SPR: variants seen among roughly 807,000 people sequenced by gnomAD.
The protein encoded by SPR is Sepiapterin reductase (L-erythro-7,8-dihydrobiopterin forming).
In SPR, 12 loss-of-function variants were observed where a neutral mutation model predicts 16.0. That is an observed-to-expected ratio of 0.75 (90% confidence interval 0.48 to 1.22). The LOEUF is 1.22. Ranked by LOEUF, SPR falls within the 50% of genes most tolerant of loss-of-function variation. The probability of loss-of-function intolerance (pLI) is 0.00; values close to 1 mark genes in which losing one functional copy is unlikely to be tolerated. For missense variants in SPR, 324 were observed against 344.4 expected (o/e 0.94, Z 0.47); for synonymous variants, 177 against 168.5 (o/e 1.05, Z -0.39).
chr2:72,888,741 T>A (rs975712369), intron 2 of SPR, 137 bp downstream of exon 2: 19 of 983,718 alleles, frequency 1.9e-5, no homozygotes, highest in Non-Finnish European at 2.6e-5. Context: ...CATCACCCCT[T>A]AGGGGAAATA....
Position 72,887,432 on chromosome 2 carries a change from C to T in SPR, c.-1C>T, listed in dbSNP as rs1470505727. ...CAGCGCCGCCGGCGGAGAACAGGAGCATGGAGGGCGGGCTGGGGCGTGCTG... is the reference window on the plus strand; with the variant it reads ...CAGCGCCGCCGGCGGAGAACAGGAGTATGGAGGGCGGGCTGGGGCGTGCTG... On this transcript the variant is annotated 5_prime_UTR_variant, in exon 1 of 3. Transcript: ENST00000234454. 3.4e-6 allele frequency: 5 copies of T among 1,492,472 alleles called. No homozygotes were observed. In the South Asian group the frequency reaches 3.8e-5, roughly 11 times the overall value. 92.5% of individuals were successfully genotyped at this position (1,492,472 alleles called of 1,614,324 possible).
At chr2:72,891,000 G>C (rs529840613) in intron 2 of SPR, among the ~76,000 whole-genome samples, 1 of 152,196 alleles carries the variant, frequency 6.6e-6, no homozygotes, top group African/African-American at 2.4e-5. Context: ...GGGGACGATG[G>C]GGGAGGGAAG....
In SPR at chr2:72,888,438, G is replaced by T. The variant is rs778156231; in HGVS notation, c.429G>T (p.Pro143=). Residue 143 remains proline, a synonymous_variant, in exon 2 of 3, where the codon CCG becomes CCT. Transcript: ENST00000234454. ...CTTCCAGCGTCCTGAAGGCCTTCCC[G>T]GACAGTCCTGGCCTCAACAGAACCG... ...CLTSSVLKAF[P]DSPGLNRTVV... The T allele has an allele frequency of 5.0e-6, 8 of 1,613,828 alleles. No individual in the cohort carries two copies. Among genetic ancestry groups the T allele is most frequent in the Non-Finnish European group, 6.8e-6 (8 of 1,179,952 alleles).
intron 1 of SPR, among the ~76,000 whole-genome samples, 184 bp from the exon 2 acceptor site, chr2:72,888,130 G>A (rs1049280342): frequency 4.6e-5 from 7 of 152,224 alleles, no homozygotes; most frequent in African/African-American, 1.7e-4. Context: ...TGCAGCTTGG[G>A]ATGGCTAGGT....
Position 72,887,829 on chromosome 2 carries a change from G to T in SPR, c.304+93G>T. On this transcript the variant is annotated intron_variant, in intron 1 of 2. Coordinates refer to ENST00000234454, the MANE Select transcript of SPR (RefSeq NM_003124.5). The stretch of plus-strand genomic sequence containing the variant: ...AGGGCTACTCCTAGGGGTCAGATAG[G>T]ACGCCTAGAAATCTAAAGCCCTAGT... 3 of 1,296,540 alleles carry T rather than the reference G, an allele frequency of 2.3e-6. No homozygotes were observed. In the South Asian group the frequency reaches 5.2e-5, roughly 22 times the overall value. 80.3% of individuals were successfully genotyped at this position (1,296,540 alleles called of 1,614,324 possible). A position where few individuals can be genotyped will look rare whatever the true frequency, so the allele number is the denominator to read the frequency against.
rs1241686662 is a variant in SPR, at chr2:72,891,567, T to A, written c.*30T>A. ...ATGTTTTTGGCTTCCTGAACCTTTT[T>A]GCCCCCACTTTTAGACATACCCCAG... On this transcript the variant is annotated 3_prime_UTR_variant, in exon 3 of 3. Coordinates refer to ENST00000234454, the MANE Select transcript of SPR (RefSeq NM_003124.5). The A allele has an allele frequency of 6.2e-7, 1 of 1,613,716 alleles. No individual in the cohort carries two copies. The highest frequency in any genetic ancestry group is 1.1e-5 in the South Asian group (1 of 91,008).
chr2:72,891,915 A>AC lies in SPR; in HGVS notation c.*378_*379insC, dbSNP rs1410088219. ...TAGAGGAAAGAGTGATCTGGTGTCG[A>AC]ATAGGAGGACCCATGTAGATTCGCA... On this transcript the variant is annotated 3_prime_UTR_variant, in exon 3 of 3. Coordinates refer to ENST00000234454, the MANE Select transcript of SPR (RefSeq NM_003124.5). The AC allele has an allele frequency of 1.1e-5, 3 of 284,174 alleles. No individual in the cohort carries two copies. Among genetic ancestry groups the AC allele is most frequent in the African/African-American group, 6.5e-5 (3 of 46,480 alleles). The allele number at this position is 284,174 out of a possible 1,614,324, so 17.6% of individuals were successfully genotyped here. A position where few individuals can be genotyped will look rare whatever the true frequency, so the allele number is the denominator to read the frequency against.
chr2:72,888,861 G>A (rs1305029260), intron 2 of SPR, among the ~76,000 whole-genome samples: 1 of 152,198 alleles, frequency 6.6e-6, no homozygotes, highest in African/African-American at 2.4e-5. Flanking sequence ...GATGGAGTTT[G>A]GGAGAAGACT....
In SPR at chr2:72,891,827, G is replaced by T; in HGVS notation, c.*290G>T. 1 of 466,632 alleles carries T rather than the reference G, an allele frequency of 2.1e-6. No homozygotes were observed. The highest frequency in any genetic ancestry group is 3.9e-6 in the Non-Finnish European group (1 of 254,020). The allele number at this position is 466,632 out of a possible 1,614,324, so 28.9% of individuals were successfully genotyped here. On this transcript the variant is annotated 3_prime_UTR_variant, in exon 3 of 3. Transcript: ENST00000234454. ...TAGAACTTAAGGGGTGGGAAGAACAGGAAAAGAAGCTGGAACACAGAAGAG... is the reference window on the plus strand; with the variant it reads ...TAGAACTTAAGGGGTGGGAAGAACATGAAAAGAAGCTGGAACACAGAAGAG...
At position 72,891,471 on chromosome 2, in the gene SPR, A is replaced by G; in HGVS notation, c.720A>G (p.Lys240=). The G allele has an allele frequency of 6.2e-7, 1 of 1,614,198 alleles. No homozygotes were observed. The change falls in exon 3 of 3, where the codon AAA becomes AAG. Residue 240 remains lysine, a synonymous_variant. Transcript: ENST00000234454. ...TGGATTGCAAGGTGTCAGCCCAGAAACTGCTGAGCTTACTGGAAAAGGACG... is the reference window on the plus strand; with the variant it reads ...TGGATTGCAAGGTGTCAGCCCAGAAGCTGCTGAGCTTACTGGAAAAGGACG... ...KLVDCKVSAQ[K]LLSLLEKDEF... is the part of the protein sequence containing the mutation.
In SPR at chr2:72,891,407, G is replaced by A. The variant is rs748158373; in HGVS notation, c.656G>A (p.Arg219Gln). 15 of 1,614,082 alleles carry A rather than the reference G, an allele frequency of 9.3e-6. No homozygotes were observed. The Admixed American group carries it at 2.0e-4, about 22-fold the overall frequency. ...GAGACCTCCGTGGACCCAGACATGCGAAAAGGGCTGCAGGAGCTGAAGGCA... is the reference window on the plus strand; with the variant it reads ...GAGACCTCCGTGGACCCAGACATGCAAAAAGGGCTGCAGGAGCTGAAGGCA... ...ARETSVDPDM[R>Q]KGLQELKAKG... is the part of the protein sequence containing the mutation. Residue 219 changes from arginine to glutamine, a missense_variant, in exon 3 of 3, where the codon CGA (arginine) becomes CAA (glutamine). Arg to Gln is a conservative substitution (Grantham distance 43). Coordinates refer to ENST00000234454, the MANE Select transcript of SPR (RefSeq NM_003124.5).
chr2:72,888,299 G>C lies in SPR; in HGVS notation c.305-15G>C. On this transcript the variant is annotated splice_polypyrimidine_tract_variant and intron_variant, in intron 1 of 2. Coordinates refer to ENST00000234454, the MANE Select transcript of SPR (RefSeq NM_003124.5). ...CCCGCCTGCACTGAGTTACTCCTAA[G>C]GGTTGGTTTTTCAGGCTCTCTTGGG... The C allele has an allele frequency of 1.9e-6, 3 of 1,614,108 alleles. No homozygotes were observed. Among genetic ancestry groups the C allele is most frequent in the Non-Finnish European group, 2.5e-6 (3 of 1,180,008 alleles).
Position 72,891,655 on chromosome 2 carries a change from T to C in SPR, c.*118T>C. ...CCTGCCTTACACATAGAAGCATTCATGCCTGCTGCCCTGCCCTCAGGCACA... is the reference window on the plus strand; with the variant it reads ...CCTGCCTTACACATAGAAGCATTCACGCCTGCTGCCCTGCCCTCAGGCACA... On this transcript the variant is annotated 3_prime_UTR_variant, in exon 3 of 3. Transcript: ENST00000234454. The C allele has an allele frequency of 8.2e-7, 1 of 1,215,824 alleles. No individual in the cohort carries two copies. Among genetic ancestry groups the C allele is most frequent in the Non-Finnish European group, 1.2e-6 (1 of 849,754 alleles). The allele number at this position is 1,215,824 out of a possible 1,614,324, so 75.3% of individuals were successfully genotyped here. A position where few individuals can be genotyped will look rare whatever the true frequency, so the allele number is the denominator to read the frequency against.
chr2:72,888,483 CTG>C lies in SPR; in HGVS notation c.477_478del (p.Ala160ProfsTer18), dbSNP rs777580207. ...GAACCGTGGTTAACATCTCGTCCCT[CTG>C]TGCCCTGCAACCTTTCAAAGGCTGG... ...NRTVVNISSL[C>X]ALQPFKGWAL... On this transcript the variant is annotated frameshift_variant, in exon 2 of 3. Transcript: ENST00000234454. LOFTEE classifies it high-confidence loss of function. 13 of 1,613,804 alleles carry C rather than the reference CTG, an allele frequency of 8.1e-6. No homozygotes were observed. The highest frequency in any genetic ancestry group is 1.3e-5 in the African/African-American group (1 of 74,948).
In SPR at chr2:72,891,498, G is replaced by A; in HGVS notation, c.747G>A (p.Glu249=). ...QKLLSLLEKD[E]FKSGAHVDFY... ...TGCTGAGCTTACTGGAAAAGGACGA[G>A]TTCAAGTCTGGAGCCCACGTGGACT... The change falls in exon 3 of 3, where the codon GAG becomes GAA. Residue 249 remains glutamate (E), a synonymous_variant. Coordinates refer to ENST00000234454, the MANE Select transcript of SPR (RefSeq NM_003124.5). The A allele has an allele frequency of 6.2e-7, 1 of 1,614,246 alleles. No individual in the cohort carries two copies. Among genetic ancestry groups the A allele is most frequent in the Non-Finnish European group, 8.5e-7 (1 of 1,180,050 alleles).
At chr2:72,888,696 A>G in intron 2 of SPR, 92 bp downstream of exon 2, 2 of 1,359,020 alleles carry the variant, frequency 1.5e-6, no homozygotes, top group South Asian at 3.0e-5. Context: ...CCCTCCAGGA[A>G]ACAACCCACA....
chr2:72,888,139 G>C (rs888030622), intron 1 of SPR, among the ~76,000 whole-genome samples, 175 bp from the exon 2 acceptor site: 1 of 152,186 alleles, frequency 6.6e-6, no homozygotes, highest in Non-Finnish European at 1.5e-5. Context: ...GGATGGCTAG[G>C]TTCCCCAGCT....
chr2:72,891,622 G>T lies in SPR; in HGVS notation c.*85G>T. 6.7e-7 allele frequency: 1 copy of T among 1,498,400 alleles called. No individual in the cohort carries two copies. The highest frequency in any genetic ancestry group is 9.2e-7 in the Non-Finnish European group (1 of 1,087,538). The allele number at this position is 1,498,400 out of a possible 1,614,324, so 92.8% of individuals were successfully genotyped here. On this transcript the variant is annotated 3_prime_UTR_variant, in exon 3 of 3. Transcript: ENST00000234454. ...CTGTGGCTCCCCACACCCTGCCATA[G>T]GGGCAGTCCTGCCTTACACATAGAA...
In SPR at chr2:72,891,714, C is replaced by A; in HGVS notation, c.*177C>A. On this transcript the variant is annotated 3_prime_UTR_variant, in exon 3 of 3. Transcript: ENST00000234454. ...TGAGCTCCCAGGTCATTGGCCTTAC[C>A]AGTTGTCAGGAGTCTGTGCTGTGCA... is the stretch of plus-strand genomic sequence containing the variant. 1 of 744,232 alleles carries A rather than the reference C, an allele frequency of 1.3e-6. No individual in the cohort carries two copies. Among genetic ancestry groups the A allele is most frequent in the Non-Finnish European group, 2.3e-6 (1 of 438,436 alleles). The allele number at this position is 744,232 out of a possible 1,614,324, so 46.1% of individuals were successfully genotyped here.
Sources: allele counts gnomAD v4.1 joint callset (sites outside exome capture counted in the v4.1 genomes callset), GRCh38; gene constraint gnomAD v4.1.1; transcripts MANE v1.5; gene names NCBI Gene and HGNC (gene_info 2026-07-23, HGNC 2026-07-21).